MAGI2: variants seen among roughly 807,000 people sequenced by gnomAD.
MAGI2 encodes the protein membrane associated guanylate kinase, WW and PDZ domain containing 2, also known as membrane-associated guanylate kinase, WW and PDZ domain-containing protein 2.
Under a neutral mutation model 133.3 loss-of-function variants are expected in MAGI2, and 35 were observed. The ratio of observed to expected loss-of-function variants is 0.26; its 90% confidence interval spans 0.20 to 0.35. The LOEUF (loss-of-function observed/expected upper bound fraction) is 0.35. Among genes scored for constraint, MAGI2 ranks in the 10% least tolerant of loss-of-function variants. The pLI is 1.00. For missense variants in MAGI2, 1,636 were observed against 1,863.4 expected, an observed-to-expected ratio of 0.88 and a Z score of 2.25; for synonymous variants, 729 against 710.6, an observed-to-expected ratio of 1.03 and a Z score of -0.41.
At chr7:79,382,054 T>G (rs955647983) in intron 1 of MAGI2, among the ~76,000 whole-genome samples, 31 of 151,656 alleles carry the variant, frequency 2.0e-4, no homozygotes, top group African/African-American at 7.5e-4. Flanking sequence ...ATTTCTTTTA[T>G]TCCACCCTCT....
Position 78,135,278 on chromosome 7 carries a change from G to T in MAGI2, c.2846-72C>A. 10 of 1,203,340 alleles carry T rather than the reference G, an allele frequency of 8.3e-6. No individual in the cohort carries two copies. In the South Asian group the frequency reaches 1.2e-4, roughly 15 times the overall value. 74.5% of individuals were successfully genotyped at this position (1,203,340 alleles called of 1,614,324 possible). On this transcript the variant is annotated intron_variant, in intron 16 of 21. Transcript: ENST00000354212. ...ATGTTCTTTCAGTCCCAGCCCCAAA[G>T]GAAACAATGAAATGTCAGAATTCCT...
chr7:79,324,143 A>T (rs1308004180), intron 1 of MAGI2, among the ~76,000 whole-genome samples: 1 of 131,830 alleles, frequency 7.6e-6, no homozygotes, highest in East Asian at 2.1e-4. Flanking sequence ...TAAACGAAAC[A>T]ATGCATGTAA....
chr7:78,996,541 A>G (rs986058538), intron 2 of MAGI2, among the ~76,000 whole-genome samples: 1 of 152,158 alleles, frequency 6.6e-6, no homozygotes, highest in Non-Finnish European at 1.5e-5. Context: ...GAGGATCAGG[A>G]AAAGTAACTA....
chr7:78,025,745 A>G (rs1808847069), intron 21 of MAGI2, among the ~76,000 whole-genome samples: 1 of 152,180 alleles, frequency 6.6e-6, no homozygotes, highest in African/African-American at 2.4e-5. Flanking sequence ...GAGAGGGAAC[A>G]AGGAGGAAGC....
At chr7:78,992,495 A>G (rs1176970464) in intron 2 of MAGI2, among the ~76,000 whole-genome samples, 1 of 151,940 alleles carries the variant, frequency 6.6e-6, no homozygotes, top group Non-Finnish European at 1.5e-5. Context: ...TAACAACCAC[A>G]TTTTTTATAA....
intron 20 of MAGI2, among the ~76,000 whole-genome samples, chr7:78,109,801 G>T (rs1819175681): frequency 6.6e-6 from 1 of 152,186 alleles, no homozygotes; most frequent in Admixed American, 6.5e-5. Context: ...TGAGGCTAGT[G>T]GGACCCATCT....
intron 2 of MAGI2, among the ~76,000 whole-genome samples, chr7:78,734,693 T>C (rs1396461587): frequency 2.0e-5 from 3 of 152,284 alleles, no homozygotes; most frequent in East Asian, 1.9e-4. Context: ...ACTTTTGCCA[T>C]TGCCATGAGA....
chr7:78,688,233 C>T (rs1475959374), intron 2 of MAGI2, among the ~76,000 whole-genome samples: 1 of 152,028 alleles, frequency 6.6e-6, no homozygotes, highest in African/African-American at 2.4e-5. Flanking sequence ...TGAGCTATCA[C>T]CTATTTTTTA....
At chr7:78,460,971 C>T (rs112749811) in intron 6 of MAGI2, among the ~76,000 whole-genome samples, 2,200 of 152,088 alleles carry the variant, frequency 0.014, 44 homozygotes, top group African/African-American at 0.048. Context: ...CACTCTCACA[C>T]ACACACCCTT....
intron 10 of MAGI2, among the ~76,000 whole-genome samples, chr7:78,221,974 C>T (rs1222671119): frequency 6.6e-6 from 1 of 151,818 alleles, no homozygotes; most frequent in African/African-American, 2.4e-5. Context: ...CGCTTGAGCC[C>T]AGGAGTTTCA....
chr7:78,621,467 G>A lies in MAGI2; in HGVS notation c.538+5653C>T, dbSNP rs148824295. 4.0e-3 allele frequency among the ~76,000 whole-genome samples: 611 copies of A among 152,016 alleles called. 3 individuals carry two copies. The highest frequency in any genetic ancestry group is 6.2e-3 in the Non-Finnish European group (424 of 67,914). On this transcript the variant is annotated intron_variant, in intron 3 of 21. Transcript: ENST00000354212. ...TGAAAAGGTGAGGATGAAATCATCC[G>A]AGTCATGGAAAAGAGTCCCTTTACC... is the stretch of plus-strand genomic sequence containing the variant.
chr7:79,341,251 A>T (rs1364194426), intron 1 of MAGI2, among the ~76,000 whole-genome samples: 1 of 152,190 alleles, frequency 6.6e-6, no homozygotes, highest in African/African-American at 2.4e-5. Context: ...ATGGACCTGG[A>T]TTTGATCCAA....
chr7:79,361,721 A>C (rs1258538757), intron 1 of MAGI2, among the ~76,000 whole-genome samples: 1 of 152,222 alleles, frequency 6.6e-6, no homozygotes, highest in African/African-American at 2.4e-5. Context: ...TTTTTAAAAA[A>C]TTAAAATCAT....
intron 1 of MAGI2, among the ~76,000 whole-genome samples, chr7:79,450,273 ATTTTCC>A (rs1849151240): frequency 6.6e-6 from 1 of 152,084 alleles, no homozygotes; most frequent in Non-Finnish European, 1.5e-5. Flanking sequence ...TTTCTAAATG[ATTTTCC>A]AGTAAATGAC....
At position 78,955,937 on chromosome 7, in the gene MAGI2, A is replaced by T. The variant is rs183814463; in HGVS notation, c.418+51153T>A. On this transcript the variant is annotated intron_variant, in intron 2 of 21. Transcript: ENST00000354212. ...TATAATATCTAGAAACTACCCAAAG[A>T]TGCCTTTTTTTTTGTTTTCAGTAAT... Among the ~76,000 whole-genome samples, 47 of 152,026 alleles carry T rather than the reference A, an allele frequency of 3.1e-4. No individual in the cohort carries two copies. The East Asian group carries it at 3.7e-3, about 12-fold the overall frequency.
chr7:78,802,505 G>C (rs896915496), intron 2 of MAGI2, among the ~76,000 whole-genome samples: 3 of 152,082 alleles, frequency 2.0e-5, no homozygotes, highest in Non-Finnish European at 4.4e-5. Context: ...CACTTTACTG[G>C]ATAAAACTGT....
chr7:78,052,984 A>G (rs1226125254), intron 21 of MAGI2, among the ~76,000 whole-genome samples: 1 of 152,226 alleles, frequency 6.6e-6, no homozygotes, highest in Non-Finnish European at 1.5e-5. Flanking sequence ...AAAACAAGGT[A>G]TAGAAGGATA....
chr7:78,554,818 C>T (rs1185458964), intron 3 of MAGI2: 1 of 152,106 alleles, frequency 6.6e-6, no homozygotes, highest in Non-Finnish European at 1.5e-5. Context: ...CACGACTCTC[C>T]CATTTCCATC....
intron 6 of MAGI2, among the ~76,000 whole-genome samples, chr7:78,459,469 C>T (rs1465926836): frequency 1.3e-5 from 2 of 152,074 alleles, no homozygotes; most frequent in African/African-American, 2.4e-5. Context: ...ATATTTAAAA[C>T]CTCTTAAGAG....
Sources: gnomAD v4.1 joint callset for allele counts (sites outside exome capture counted in the v4.1 genomes callset) on GRCh38, gnomAD v4.1.1 for gene constraint, MANE v1.5 for transcripts, NCBI Gene and HGNC (gene_info 2026-07-23, HGNC 2026-07-21) for gene names.